RBFOX1: variants seen among roughly 807,000 people sequenced by gnomAD.
RBFOX1 encodes the protein RNA binding fox-1 homolog 1.
Under a neutral mutation model 57.7 loss-of-function variants are expected in RBFOX1, and 8 were observed. That is an observed-to-expected ratio of 0.14 (90% CI 0.08 to 0.25). The LOEUF (loss-of-function observed/expected upper bound fraction) is 0.25. RBFOX1 is among the 10% of genes least tolerant of loss of function. RBFOX1 has a pLI of 1.00. For missense variants in RBFOX1, 611 were observed against 548.5 expected, an observed-to-expected ratio of 1.11 and a Z score of -1.14; for synonymous variants, 326 against 222.4, an observed-to-expected ratio of 1.47 and a Z score of -4.15.
rs577664915 is a variant in RBFOX1, at chr16:7,288,625, G to C, written c.28-229522G>C. 1.1e-4 allele frequency among the ~76,000 whole-genome samples: 17 copies of C among 152,298 alleles called. No individual in the cohort carries two copies. In the South Asian group the frequency reaches 3.1e-3, roughly 28 times the overall value. ...GGAGGCTGAGCTGGGCAGATCACTT[G>C]AGGTCAGGAGTTCGAGACCAGCCTG... On this transcript the variant is annotated intron_variant, in intron 4 of 15. Transcript: ENST00000550418.
Position 7,614,256 on chromosome 16 carries a change from A to T in RBFOX1, c.676+6918A>T, listed in dbSNP as rs575614015. ...TTAAGTCCCCGAGCAAAGGATTTTC[A>T]GCCTGGAAATGTTCCACTTCAAAGA... On this transcript the variant is annotated intron_variant, in intron 10 of 15. Transcript: ENST00000550418. 3 of 152,356 alleles carry T rather than the reference A, an allele frequency of 2.0e-5. No homozygotes were observed. In the East Asian group the frequency reaches 5.8e-4, roughly 29 times the overall value. 9.4% of individuals were successfully genotyped at this position (152,356 alleles called of 1,614,324 possible). A position where few individuals can be genotyped will look rare whatever the true frequency, so the allele number is the denominator to read the frequency against.
chr16:5,353,090 C>G (rs1325718155), intron 1 of RBFOX1, among the ~76,000 whole-genome samples: 1 of 151,990 alleles, frequency 6.6e-6, no homozygotes, highest in African/African-American at 2.4e-5. Context: ...CTTCTTTGTT[C>G]AGGCTGGGTG....
chr16:5,577,861 G>A (rs1043559289), intron 2 of RBFOX1, among the ~76,000 whole-genome samples: 10 of 152,216 alleles, frequency 6.6e-5, no homozygotes, highest in African/African-American at 2.4e-4. Context: ...TTCTTTTGGT[G>A]CAGCCTAATA....
At chr16:6,528,297 C>T (rs1211756140) in intron 2 of RBFOX1, among the ~76,000 whole-genome samples, 2 of 152,182 alleles carry the variant, frequency 1.3e-5, no homozygotes, top group African/African-American at 2.4e-5. Context: ...ATTAGACTTC[C>T]ACTTCCCAAA....
At chr16:6,166,459 ACT>A (rs1306496640) in intron 1 of RBFOX1, among the ~76,000 whole-genome samples, 1 of 151,200 alleles carries the variant, frequency 6.6e-6, no homozygotes, top group Non-Finnish European at 1.5e-5. Context: ...TTTCTCTCTG[ACT>A]CTCTATTTCT....
At position 7,709,675 on chromosome 16, in the gene RBFOX1, T is replaced by A. The variant is rs979571907; in HGVS notation, c.1071+544T>A. ...ACACTTTGTGTGTGTACCTAGTACA[T>A]AAGAAAGTAGAAGGAATCAGCTGGG... On this transcript the variant is annotated intron_variant, in intron 15 of 15. Coordinates refer to ENST00000550418, the MANE Select transcript of RBFOX1 (RefSeq NM_018723.4). 26 of 1,437,060 alleles carry A rather than the reference T, an allele frequency of 1.8e-5. 1 individual carries two copies. Among genetic ancestry groups the A allele is most frequent in the African/African-American group, 1.7e-4 (11 of 64,672 alleles). 89.0% of individuals were successfully genotyped at this position (1,437,060 alleles called of 1,614,324 possible).
At chr16:5,526,258 T>C (rs1435846592) in intron 2 of RBFOX1, among the ~76,000 whole-genome samples, 2 of 151,252 alleles carry the variant, frequency 1.3e-5, no homozygotes, top group African/African-American at 4.9e-5. Context: ...ACAGCAACCC[T>C]AAGCAACAGA....
At chr16:6,866,451 T>G (rs956677378) in intron 3 of RBFOX1, among the ~76,000 whole-genome samples, 1 of 151,288 alleles carries the variant, frequency 6.6e-6, no homozygotes, top group African/African-American at 2.4e-5. Context: ...TGCATCTTCA[T>G]GTTAAGCAAA....
chr16:6,723,316 G>C (rs1354753361), intron 3 of RBFOX1, among the ~76,000 whole-genome samples: 2 of 152,160 alleles, frequency 1.3e-5, no homozygotes, highest in South Asian at 2.1e-4. Flanking sequence ...GTATCAGAGT[G>C]GTCGTGAGAA....
chr16:5,511,785 G>A (rs2043602120), intron 2 of RBFOX1, among the ~76,000 whole-genome samples: 1 of 152,192 alleles, frequency 6.6e-6, no homozygotes, highest in Non-Finnish European at 1.5e-5. Flanking sequence ...TTATCAAGGT[G>A]AATGTAACTA....
chr16:5,906,752 T>TTTTG (rs1389140131), intron 4 of RBFOX1, among the ~76,000 whole-genome samples: 2 of 142,560 alleles, frequency 1.4e-5, no homozygotes, highest in Admixed American at 7.0e-5. Context: ...TTTTTTTTTT[T>TTTTG]GAGATGGAGT....
chr16:6,828,595 G>T (rs1211245267), intron 3 of RBFOX1, among the ~76,000 whole-genome samples: 2 of 151,800 alleles, frequency 1.3e-5, no homozygotes, highest in African/African-American at 4.8e-5. Context: ...GAAAAACCGG[G>T]CATGGACCAA....
intron 4 of RBFOX1, among the ~76,000 whole-genome samples, chr16:7,427,781 G>T (rs1040207293): frequency 6.6e-6 from 1 of 152,024 alleles, no homozygotes; most frequent in South Asian, 2.1e-4. Flanking sequence ...AGCCTCCCGA[G>T]TAGCTGGGAT....
At chr16:6,375,495 C>T (rs918459201) in intron 2 of RBFOX1, among the ~76,000 whole-genome samples, 1 of 151,738 alleles carries the variant, frequency 6.6e-6, no homozygotes. Context: ...GGCAGATGAT[C>T]GTTTCTGGGC....
At chr16:7,012,356 C>G (rs2093692791) in intron 3 of RBFOX1, among the ~76,000 whole-genome samples, 1 of 152,160 alleles carries the variant, frequency 6.6e-6, no homozygotes. Flanking sequence ...AATCAGGTCT[C>G]TTCAATTCCA....
At chr16:5,706,703 A>T (rs530014895) in intron 3 of RBFOX1, among the ~76,000 whole-genome samples, 2 of 152,164 alleles carry the variant, frequency 1.3e-5, no homozygotes, top group Non-Finnish European at 2.9e-5. Context: ...CTGGTTGCCA[A>T]ATGAAATGAT....
intron 1 of RBFOX1, among the ~76,000 whole-genome samples, chr16:6,102,392 C>G (rs989662569): frequency 1.3e-5 from 2 of 152,150 alleles, no homozygotes; most frequent in African/African-American, 4.8e-5. Flanking sequence ...TTCATATGAT[C>G]AGATTTAAGT....
At chr16:6,382,243 C>G (rs1021213418) in intron 2 of RBFOX1, among the ~76,000 whole-genome samples, 2 of 152,312 alleles carry the variant, frequency 1.3e-5, no homozygotes, top group East Asian at 1.9e-4. Context: ...CAAAGACAGG[C>G]AGTGGGCCTG....
rs78029333 is a variant in RBFOX1 at position 7,235,209 on chromosome 16, G to C, written c.27+183111G>C. Among the ~76,000 whole-genome samples, 4 of 152,252 alleles carry C rather than the reference G, an allele frequency of 2.6e-5. No homozygotes were observed. The East Asian group carries it at 5.8e-4, about 22-fold the overall frequency. On this transcript the variant is annotated intron_variant, in intron 4 of 15. Transcript: ENST00000550418. ...TGCTTTAAAATGTTGACATTCCTTA[G>C]AAAGGAGAGAATAGCTCTGGGATGA...
Sources: gnomAD v4.1 joint callset for allele counts (sites outside exome capture counted in the v4.1 genomes callset) on GRCh38, gnomAD v4.1.1 for gene constraint, MANE v1.5 for transcripts, NCBI Gene and HGNC (gene_info 2026-07-23, HGNC 2026-07-21) for gene names.